Variants in SIPA1L1 observed in about 807,000 individuals in gnomAD.
SIPA1L1 encodes signal-induced proliferation-associated 1-like protein 1.
A neutral mutation model predicts 162.7 loss-of-function variants in SIPA1L1; 26 were observed. The ratio of observed to expected loss-of-function variants is 0.16; its 90% CI spans 0.12 to 0.22. The LOEUF is 0.22. SIPA1L1 is among the 10% of genes least tolerant of loss of function. The pLI is 1.00. For missense variants in SIPA1L1, 1,874 were observed against 2,241.0 expected (o/e 0.84, Z 3.31); for synonymous variants, 829 against 837.4 (o/e 0.99, Z 0.17).
At chr14:71,639,314 G>A (rs1253360976) in intron 7 of SIPA1L1, among the ~76,000 whole-genome samples, 1 of 152,164 alleles carries the variant, frequency 6.6e-6, no homozygotes, top group African/African-American at 2.4e-5. Flanking sequence ...GGAGGCTAAG[G>A]CAGGAGGATC....
chr14:71,529,112 TA>T (rs200821316), intron 3 of SIPA1L1, among the ~76,000 whole-genome samples, 199 bp from the exon 4 acceptor site: 21,661 of 142,982 alleles, frequency 0.15, 1,585 homozygotes, highest in East Asian at 0.28. Context: ...AACTCCATCT[TA>T]AAAAAAAAAA....
At chr14:71,653,366 T>G (rs2042788971) in intron 8 of SIPA1L1, among the ~76,000 whole-genome samples, 1 of 152,202 alleles carries the variant, frequency 6.6e-6, no homozygotes, top group African/African-American at 2.4e-5. Context: ...TTGGAATTTA[T>G]GCATATGCAT....
In SIPA1L1 at chr14:71,563,309, GT is replaced by G. The variant is rs759381184; in HGVS notation, c.-302-24250del. 8.2e-3 allele frequency among the ~76,000 whole-genome samples: 1,112 copies of G among 134,894 alleles called. 12 individuals are homozygous for G. The highest frequency in any genetic ancestry group is 0.025 in the African/African-American group (936 of 36,988). The allele number at this position is 134,894 out of a possible 152,430, so 88.5% of individuals were successfully genotyped here. A position where few individuals can be genotyped will look rare whatever the true frequency, so the allele number is the denominator to read the frequency against. On this transcript the variant is annotated intron_variant, in intron 4 of 23. Transcript: ENST00000381232. ...AACTTGACAATAATAGTACCTCCTC[GT>G]TTTTTTTTTTTAACACGATTTTGTT...
chr14:71,733,873 A>G, intron 21 of SIPA1L1, 61 bp downstream of exon 21: 1 of 1,544,210 alleles, frequency 6.5e-7, no homozygotes, highest in Non-Finnish European at 8.8e-7. Flanking sequence ...AGCAGTCTCC[A>G]TCCACTCTAC....
At chr14:71,642,965 C>A (rs1296205289) in intron 7 of SIPA1L1, among the ~76,000 whole-genome samples, 3 of 147,376 alleles carry the variant, frequency 2.0e-5, no homozygotes, top group African/African-American at 7.5e-5. Flanking sequence ...GAAACAATTG[C>A]CAAAAAAAAA....
chr14:71,541,725 A>T (rs2054400043), intron 4 of SIPA1L1, among the ~76,000 whole-genome samples: 1 of 152,178 alleles, frequency 6.6e-6, no homozygotes, highest in Non-Finnish European at 1.5e-5. Flanking sequence ...GTGAGCTATA[A>T]TTATGCTACT....
chr14:71,585,275 C>T (rs1049346548), intron 4 of SIPA1L1, among the ~76,000 whole-genome samples: 1 of 151,914 alleles, frequency 6.6e-6, no homozygotes, highest in Non-Finnish European at 1.5e-5. Flanking sequence ...TCAGTTTTTA[C>T]AAGCCATTAA....
chr14:71,636,444 A>G (rs909353543), intron 7 of SIPA1L1, among the ~76,000 whole-genome samples: 2 of 152,258 alleles, frequency 1.3e-5, no homozygotes, highest in Admixed American at 6.5e-5. Context: ...CTAAGTAACC[A>G]GTAGGTCAAA....
chr14:71,479,238 G>GT (rs1357486024), intron 2 of SIPA1L1, among the ~76,000 whole-genome samples: 1 of 151,986 alleles, frequency 6.6e-6, no homozygotes, highest in Non-Finnish European at 1.5e-5. Context: ...ATCTTTCCAG[G>GT]TATTATAACT....
intron 3 of SIPA1L1, chr14:71,528,889 T>A (rs567667500): frequency 2.0e-5 from 3 of 152,134 alleles, no homozygotes; most frequent in African/African-American, 7.2e-5. Flanking sequence ...GAGGCGGGCA[T>A]ATCACCTGAG....
At chr14:71,657,819 C>T (rs2043192202) in intron 8 of SIPA1L1, among the ~76,000 whole-genome samples, 1 of 151,988 alleles carries the variant, frequency 6.6e-6, no homozygotes, top group Admixed American at 6.6e-5. Context: ...TCACTGACCC[C>T]AAGTTGAAAT....
At chr14:71,361,976 T>C (rs549178076) in intron 2 of SIPA1L1, among the ~76,000 whole-genome samples, 9 of 152,226 alleles carry the variant, frequency 5.9e-5, no homozygotes, top group Non-Finnish European at 1.2e-4. Context: ...TAGCTTTAGG[T>C]GGACACGCAG....
chr14:71,321,532 G>A (rs1366899160), intron 2 of SIPA1L1: 1 of 152,364 alleles, frequency 6.6e-6, no homozygotes, highest in East Asian at 1.9e-4. Context: ...AGTCACCTGG[G>A]TGAGCGCTTT....
intron 2 of SIPA1L1, among the ~76,000 whole-genome samples, chr14:71,427,511 T>C (rs2043660410): frequency 6.6e-6 from 1 of 152,168 alleles, no homozygotes; most frequent in Admixed American, 6.5e-5. Context: ...GGGGGTCTCT[T>C]TGAGTTTTCT....
chr14:71,340,791 T>C (rs1010893136), intron 2 of SIPA1L1, among the ~76,000 whole-genome samples: 8 of 152,070 alleles, frequency 5.3e-5, no homozygotes, highest in Non-Finnish European at 4.4e-5. Context: ...TACAAAAAAT[T>C]AGCCAGGCAT....
chr14:71,324,518 G>A (rs924760047), intron 2 of SIPA1L1, among the ~76,000 whole-genome samples: 1 of 152,160 alleles, frequency 6.6e-6, no homozygotes, highest in Non-Finnish European at 1.5e-5. Flanking sequence ...AACGATCTGT[G>A]GTGAGGTTGT....
At chr14:71,486,689 G>T (rs1317021273) in intron 2 of SIPA1L1, among the ~76,000 whole-genome samples, 1 of 152,134 alleles carries the variant, frequency 6.6e-6, no homozygotes, top group Non-Finnish European at 1.5e-5. Flanking sequence ...AGAGTGAAGG[G>T]TGTTATTTAA....
At chr14:71,638,568 A>G (rs1364219565) in intron 7 of SIPA1L1, among the ~76,000 whole-genome samples, 1 of 152,188 alleles carries the variant, frequency 6.6e-6, no homozygotes, top group South Asian at 2.1e-4. Flanking sequence ...TATAGCTTGC[A>G]TTATTCTTAA....
At chr14:71,419,430 A>G (rs2140520582) in intron 2 of SIPA1L1, among the ~76,000 whole-genome samples, 1 of 139,266 alleles carries the variant, frequency 7.2e-6, no homozygotes, top group South Asian at 2.5e-4. Context: ...GCCAGGGGTG[A>G]TGGCCCACAC....
Sources: gnomAD v4.1 joint callset for allele counts (sites outside exome capture counted in the v4.1 genomes callset) on GRCh38, gnomAD v4.1.1 for gene constraint, MANE v1.5 for transcripts, NCBI Gene and HGNC (gene_info 2026-07-23, HGNC 2026-07-21) for gene names.